TENM3: variants seen among roughly 807,000 people sequenced by gnomAD.
TENM3 encodes the protein teneurin-3.
A neutral mutation model predicts 255.1 loss-of-function variants in TENM3; 63 were observed. That is an observed-to-expected ratio of 0.25 (90% CI 0.20 to 0.30). The LOEUF (loss-of-function observed/expected upper bound fraction) is 0.30. Among genes scored for constraint, TENM3 ranks in the 10% least tolerant of loss-of-function variants. The probability of loss-of-function intolerance (pLI) is 1.00; values close to 1 mark genes in which losing one functional copy is unlikely to be tolerated. For synonymous variants in TENM3, 1,306 were observed against 1,322.3 expected (o/e 0.99, Z 0.27); for missense variants, 2,929 against 3,461.1 (o/e 0.85, Z 3.86).
At chr4:181,449,550 G>A in the TENM3 span, among the ~76,000 whole-genome samples, 11 of 152,136 alleles carry the variant, frequency 7.2e-5, no homozygotes, top group Non-Finnish European at 1.6e-4. Flanking sequence ...TTCGGAGACC[G>A]AGGCAGGCAG....
chr4:182,752,147 T>C (rs1762422179), intron 20 of TENM3, 115 bp downstream of exon 20: 1 of 689,254 alleles, frequency 1.5e-6, no homozygotes, highest in Non-Finnish European at 2.4e-6. Context: ...ACTTTTTACC[T>C]TTGACAGTGT....
intron 3 of TENM3, among the ~76,000 whole-genome samples, chr4:182,488,828 A>C (rs561244243): frequency 6.6e-6 from 1 of 152,280 alleles, no homozygotes; most frequent in Non-Finnish European, 1.5e-5. Context: ...AGAACGCATT[A>C]GTAATTTAAA....
the TENM3 span, among the ~76,000 whole-genome samples, chr4:182,065,191 T>A: frequency 2.9e-4 from 44 of 152,156 alleles, no homozygotes; most frequent in African/African-American, 1.0e-3. Context: ...TGTGGCACCA[T>A]GCCTATCTAA....
chr4:182,617,042 G>A (rs1005382942), intron 4 of TENM3, among the ~76,000 whole-genome samples: 1 of 152,052 alleles, frequency 6.6e-6, no homozygotes, highest in African/African-American at 2.4e-5. Flanking sequence ...GTTGGCTTTG[G>A]AACTTAAAAT....
the TENM3 span, among the ~76,000 whole-genome samples, chr4:182,107,294 A>G: frequency 2.0e-5 from 3 of 152,164 alleles, no homozygotes; most frequent in Non-Finnish European, 4.4e-5. Flanking sequence ...AGGAGGATAC[A>G]GTCTCATCTG....
chr4:181,883,823 A>G, the TENM3 span, among the ~76,000 whole-genome samples: 1 of 152,180 alleles, frequency 6.6e-6, no homozygotes, highest in Non-Finnish European at 1.5e-5. Flanking sequence ...TAGAAGTAGA[A>G]GATTAATGGC....
intron 1 of TENM3, among the ~76,000 whole-genome samples, chr4:182,185,142 G>T (rs1015929064): frequency 6.6e-6 from 1 of 152,058 alleles, no homozygotes; most frequent in South Asian, 2.1e-4. Context: ...TCAAAAAACG[G>T]ATTGCAAATG....
At chr4:182,779,907 T>TTTGA (rs1447723603) in intron 24 of TENM3, among the ~76,000 whole-genome samples, 1 of 152,034 alleles carries the variant, frequency 6.6e-6, no homozygotes, top group Admixed American at 6.6e-5. Context: ...GATGGGGTTG[T>TTTGA]TTTTTTCTTG....
chr4:182,672,238 G>A (rs1755281481), intron 6 of TENM3, among the ~76,000 whole-genome samples: 1 of 152,186 alleles, frequency 6.6e-6, no homozygotes, highest in Non-Finnish European at 1.5e-5. Flanking sequence ...AGAAGAGATG[G>A]TGTCTCTTAA....
intron 1 of TENM3, among the ~76,000 whole-genome samples, chr4:182,311,316 A>C (rs1412131513): frequency 6.6e-6 from 1 of 152,220 alleles, no homozygotes; most frequent in East Asian, 1.9e-4. Context: ...ATCTCTGCAA[A>C]TGTAATTTTC....
At chr4:182,741,757 T>C (rs1383961297) in intron 18 of TENM3, among the ~76,000 whole-genome samples, 2 of 152,172 alleles carry the variant, frequency 1.3e-5, no homozygotes, top group Non-Finnish European at 2.9e-5. Flanking sequence ...AATAAACCTG[T>C]TTTATTTTCC....
At chr4:181,697,545 T>A in the TENM3 span, among the ~76,000 whole-genome samples, 1 of 151,924 alleles carries the variant, frequency 6.6e-6, no homozygotes, top group Non-Finnish European at 1.5e-5. Context: ...AGGCACCCAC[T>A]ACCACACCCG....
At chr4:182,009,815 G>C in the TENM3 span, among the ~76,000 whole-genome samples, 11 of 152,342 alleles carry the variant, frequency 7.2e-5, no homozygotes, top group African/African-American at 2.4e-4. Flanking sequence ...CTGGGGTTGG[G>C]ATGCTAGGCC....
chr4:182,043,251 G>T, the TENM3 span, among the ~76,000 whole-genome samples: 2 of 152,124 alleles, frequency 1.3e-5, no homozygotes, highest in East Asian at 1.9e-4. Flanking sequence ...TGCCATCTTC[G>T]GTATACAGGG....
chr4:182,667,962 C>CATTAATTA lies in TENM3; in HGVS notation c.1112-5025_1112-5018dup, dbSNP rs34308155. Among the ~76,000 whole-genome samples, 386 of 150,880 alleles carry CATTAATTA rather than the reference C, an allele frequency of 2.6e-3. 3 individuals carry two copies. Among genetic ancestry groups the CATTAATTA allele is most frequent in the African/African-American group, 7.3e-3 (302 of 41,176 alleles). ...TTAAAGTATAATAAATACATAAATA[C>CATTAATTA]ATTAATTAATTAATTAATTAATTAA... On this transcript the variant is annotated intron_variant, in intron 6 of 27. Coordinates refer to ENST00000511685, the MANE Select transcript of TENM3 (RefSeq NM_001080477.4).
intron 16 of TENM3, among the ~76,000 whole-genome samples, chr4:182,735,896 C>T (rs1761123066): frequency 6.6e-6 from 1 of 152,094 alleles, no homozygotes; most frequent in African/African-American, 2.4e-5. Flanking sequence ...CATACACTGA[C>T]TGGTAATCTA....
At chr4:181,936,237 C>CA in the TENM3 span, among the ~76,000 whole-genome samples, 25 of 151,680 alleles carry the variant, frequency 1.6e-4, no homozygotes, top group African/African-American at 5.8e-4. Context: ...ACTAAAAATA[C>CA]AAAAAAAATA....
At chr4:181,613,860 C>G in the TENM3 span, among the ~76,000 whole-genome samples, 1 of 152,082 alleles carries the variant, frequency 6.6e-6, no homozygotes, top group African/African-American at 2.4e-5. Context: ...TAAGAGTGTG[C>G]AAAAGCCACA....
chr4:182,716,419 C>T (rs765677573), intron 13 of TENM3, among the ~76,000 whole-genome samples: 1 of 152,176 alleles, frequency 6.6e-6, no homozygotes, highest in Non-Finnish European at 1.5e-5. Context: ...TGAAACTATG[C>T]TATCTCTAGG....
Sources: allele counts gnomAD v4.1 joint callset (sites outside exome capture counted in the v4.1 genomes callset), GRCh38; gene constraint gnomAD v4.1.1; transcripts MANE v1.5; gene names NCBI Gene and HGNC (gene_info 2026-07-23, HGNC 2026-07-21).